The following SLC13A3 variants were observed in gnomAD, a reference collection of about 807,000 sequenced individuals.
The protein encoded by SLC13A3 is Na(+)/dicarboxylate cotransporter 3.
Under a neutral mutation model 59.0 loss-of-function variants are expected in SLC13A3, and 40 were observed. The ratio of observed to expected loss-of-function variants is 0.68; its 90% CI spans 0.53 to 0.88. The LOEUF is 0.88. Ranked by LOEUF, SLC13A3 falls within the 40% of genes least tolerant of loss-of-function variation. The probability of loss-of-function intolerance (pLI) is 0.00; values close to 1 mark genes in which losing one functional copy is unlikely to be tolerated. For synonymous variants in SLC13A3, 317 were observed against 330.3 expected (o/e 0.96, Z 0.44); for missense variants, 699 against 783.2 (o/e 0.89, Z 1.28).
At chr20:46,573,425 G>A (rs539503226) in intron 10 of SLC13A3, among the ~76,000 whole-genome samples, 41 of 152,300 alleles carry the variant, frequency 2.7e-4, no homozygotes, top group African/African-American at 9.9e-4. Flanking sequence ...GTGGGGCTGG[G>A]ACTGCCTCCA....
At chr20:46,571,021 T>C (rs2062024339) in intron 10 of SLC13A3, among the ~76,000 whole-genome samples, 1 of 152,182 alleles carries the variant, frequency 6.6e-6, no homozygotes, top group Admixed American at 6.5e-5. Context: ...CTTACAATCA[T>C]GGTGGAAGTG....
At chr20:46,677,466 A>AT (rs2063132928) in intron 1 of SLC13A3, among the ~76,000 whole-genome samples, 1 of 152,142 alleles carries the variant, frequency 6.6e-6, no homozygotes, top group Non-Finnish European at 1.5e-5. Context: ...GCTGGATCGA[A>AT]TGGGGGCGAG....
intron 1 of SLC13A3, among the ~76,000 whole-genome samples, chr20:46,639,287 C>A (rs6094407): frequency 6.6e-6 from 1 of 151,676 alleles, no homozygotes; most frequent in Non-Finnish European, 1.5e-5. Flanking sequence ...CATGGTGAAA[C>A]CCCGTTTCTA....
At chr20:46,651,584 G>C, upstream of SLC13A3, 2 of 1,275,880 alleles carry the variant, frequency 1.6e-6, no homozygotes, top group South Asian at 4.5e-5. Context: ...CCCTGGGACC[G>C]GGTGAAAGAG....
rs1274918578 is a variant in SLC13A3 at position 46,682,714 on chromosome 20, GCT to G, written c.-31+1680_-31+1681del. ...GTTAAAAGCATGGGTCTGAATCCCAGCTCTGTCACTTATTGTGACCCTAGGAC... is the reference window on the plus strand; with the variant it reads ...GTTAAAAGCATGGGTCTGAATCCCAGCTGTCACTTATTGTGACCCTAGGAC... On this transcript the variant is annotated intron_variant, in intron 1 of 6. Transcript: ENST00000372121. 6.6e-5 allele frequency among the ~76,000 whole-genome samples: 10 copies of G among 152,284 alleles called. No homozygotes were observed. The East Asian group carries it at 1.4e-3, about 21-fold the overall frequency.
At chr20:46,622,612 T>C (rs1044725697) in intron 1 of SLC13A3, among the ~76,000 whole-genome samples, 8 of 116,524 alleles carry the variant, frequency 6.9e-5, no homozygotes, top group African/African-American at 2.2e-4. Context: ...AATTGGTGTG[T>C]GGTGTGTGCG....
At chr20:46,599,496 T>C (rs935572964) in intron 4 of SLC13A3, among the ~76,000 whole-genome samples, 2 of 152,240 alleles carry the variant, frequency 1.3e-5, no homozygotes, top group Non-Finnish European at 2.9e-5. Context: ...TGATCTTAAC[T>C]ACACTGCCAT....
At chr20:46,656,255 ACT>A (rs1329232824), upstream of SLC13A3, among the ~76,000 whole-genome samples, 1 of 138,128 alleles carries the variant, frequency 7.2e-6, no homozygotes, top group Non-Finnish European at 1.5e-5. Context: ...TATACTGTAT[ACT>A]TATATAGACT....
At chr20:46,607,809 C>T (rs1192176135) in intron 3 of SLC13A3, among the ~76,000 whole-genome samples, 4 of 152,200 alleles carry the variant, frequency 2.6e-5, no homozygotes, top group Non-Finnish European at 1.5e-5. Flanking sequence ...ACCAGAGCCA[C>T]AGTTTGGAAA....
intron 4 of SLC13A3, among the ~76,000 whole-genome samples, chr20:46,597,580 G>T (rs778665065): frequency 1.3e-5 from 2 of 152,086 alleles, no homozygotes; most frequent in African/African-American, 4.8e-5. Context: ...GAGATTATAG[G>T]TGCCCACCAC....
intron 1 of SLC13A3, among the ~76,000 whole-genome samples, chr20:46,637,530 C>T (rs539045324): frequency 6.8e-4 from 103 of 152,254 alleles, no homozygotes; most frequent in African/African-American, 2.3e-3. Context: ...CAAGAACAAA[C>T]CTCATCCCCT....
intron 1 of SLC13A3, among the ~76,000 whole-genome samples, chr20:46,632,911 A>C (rs373489763): frequency 0.054 from 2,963 of 54,744 alleles, 254 homozygotes; most frequent in East Asian, 0.14. Context: ...ATAGATAGAT[A>C]TATCTATCTA....
chr20:46,573,239 C>T (rs996100882), intron 10 of SLC13A3, among the ~76,000 whole-genome samples: 1 of 151,764 alleles, frequency 6.6e-6, no homozygotes, highest in Non-Finnish European at 1.5e-5. Context: ...GATCTTGTTG[C>T]CCCAGCTAAG....
intron 2 of SLC13A3, among the ~76,000 whole-genome samples, chr20:46,611,198 C>G (rs1258635996): frequency 1.3e-5 from 2 of 152,160 alleles, no homozygotes; most frequent in Admixed American, 6.5e-5. Flanking sequence ...TATCCCAACT[C>G]TCACCATTTA....
intron 3 of SLC13A3, among the ~76,000 whole-genome samples, chr20:46,604,656 T>A (rs2062418796): frequency 6.6e-6 from 1 of 152,124 alleles, no homozygotes; most frequent in Admixed American, 6.5e-5. Flanking sequence ...TCATTTTTCC[T>A]GTGCCTGGAG....
intron 9 of SLC13A3, chr20:46,583,151 T>A (rs2062155148): frequency 1.2e-6 from 1 of 811,804 alleles, no homozygotes; most frequent in Non-Finnish European, 1.5e-6. Flanking sequence ...ATTGAGGCTA[T>A]TGTGTAGGTA....
chr20:46,617,590 G>GTGTA (rs780276865), intron 1 of SLC13A3, among the ~76,000 whole-genome samples: 22 of 47,774 alleles, frequency 4.6e-4, no homozygotes, highest in African/African-American at 4.1e-3. Flanking sequence ...TGAAAAACTT[G>GTGTA]TGTGTGTGTG....
At chr20:46,616,685 G>T (rs2062558879) in intron 1 of SLC13A3, among the ~76,000 whole-genome samples, 1 of 152,190 alleles carries the variant, frequency 6.6e-6, no homozygotes, top group Non-Finnish European at 1.5e-5. Flanking sequence ...CAAGGATGTG[G>T]GGAAGCAGTG....
At position 46,563,600 on chromosome 20, in the gene SLC13A3, C is replaced by G. The variant is rs201068155; in HGVS notation, c.1495-49G>C. 4.9e-5 allele frequency: 68 copies of G among 1,389,724 alleles called. No homozygotes were observed. In the African/African-American group the frequency reaches 7.4e-4, roughly 15 times the overall value. 86.1% of individuals were successfully genotyped at this position (1,389,724 alleles called of 1,614,324 possible). ...GACCCGGAGAGAGACCAACGCAGAG[C>G]GACCACAGCAAGAGGGAGAGAGAGA... On this transcript the variant is annotated intron_variant, in intron 11 of 12. Coordinates refer to ENST00000279027, the MANE Select transcript of SLC13A3 (RefSeq NM_022829.6).
Sources: allele counts gnomAD v4.1 joint callset (sites outside exome capture counted in the v4.1 genomes callset), GRCh38; gene constraint gnomAD v4.1.1; transcripts MANE v1.5; gene names NCBI Gene and HGNC (gene_info 2026-07-23, HGNC 2026-07-21).